Variants in USH2A observed in about 807,000 individuals in gnomAD.
USH2A encodes the protein usherin.
A neutral mutation model predicts 538.9 loss-of-function variants in USH2A; 443 were observed. The ratio of observed to expected loss-of-function variants is 0.82; its 90% CI spans 0.76 to 0.89. The LOEUF (loss-of-function observed/expected upper bound fraction) is 0.89. USH2A is among the 40% of genes least tolerant of loss of function. USH2A has a pLI of 0.00. For synonymous variants in USH2A, 2,413 were observed against 2,273.5 expected (o/e 1.06, Z -1.75); for missense variants, 6,633 against 6,324.8 (o/e 1.05, Z -1.65).
chr1:216,046,573 T>A lies in USH2A; in HGVS notation c.6183A>T (p.Pro2061=). ...AACTGGGAAGGGATTTGGCTACTGG[T>A]GGCTGAACCTCTTGTGGGGCTGTGG... is the stretch of plus-strand genomic sequence containing the variant. The part of the protein sequence containing the change: ...TPQEAPQEVQ[P]PVAKSLPSSL... Residue 2061 remains proline, a synonymous_variant, in exon 32 of 72, where the codon CCA becomes CCT. Coordinates refer to ENST00000307340, the MANE Select transcript of USH2A (RefSeq NM_206933.4). 2.5e-6 allele frequency: 4 copies of A among 1,613,856 alleles called. No individual in the cohort carries two copies. The highest frequency in any genetic ancestry group is 3.4e-6 in the Non-Finnish European group (4 of 1,179,774).
intron 21 of USH2A, among the ~76,000 whole-genome samples, chr1:216,164,552 G>A (rs1406069009): frequency 6.6e-6 from 1 of 152,054 alleles, no homozygotes; most frequent in Non-Finnish European, 1.5e-5. Flanking sequence ...ATAGAGTTAG[G>A]TTTATAAGTA....
At chr1:215,776,439 C>A (rs532599177) in intron 55 of USH2A, among the ~76,000 whole-genome samples, 2 of 152,078 alleles carry the variant, frequency 1.3e-5, no homozygotes, top group Non-Finnish European at 2.9e-5. Context: ...TGAGTGCATT[C>A]GCCACTATTC....
At chr1:215,921,153 T>C (rs2102488512) in intron 38 of USH2A, among the ~76,000 whole-genome samples, 1 of 152,206 alleles carries the variant, frequency 6.6e-6, no homozygotes, top group East Asian at 1.9e-4. Flanking sequence ...TTCACAAGAA[T>C]GCAAACTATG....
At chr1:216,423,034 A>G (rs914574267) in intron 1 of USH2A, among the ~76,000 whole-genome samples, 180 bp downstream of exon 1, 5 of 152,120 alleles carry the variant, frequency 3.3e-5, no homozygotes, top group Admixed American at 6.6e-5. Flanking sequence ...TTATCCCAGC[A>G]TGTGCAGCAA....
chr1:216,276,836 T>G (rs149305422), intron 11 of USH2A, among the ~76,000 whole-genome samples: 2,220 of 152,170 alleles, frequency 0.015, 48 homozygotes, highest in African/African-American at 0.05. Flanking sequence ...AGGAAAGACC[T>G]GCCCCCATGA....
chr1:216,409,296 G>GAA (rs2039443870), intron 3 of USH2A, among the ~76,000 whole-genome samples: 1 of 152,058 alleles, frequency 6.6e-6, no homozygotes, highest in Non-Finnish European at 1.5e-5. Flanking sequence ...TCGTTAAAAT[G>GAA]GCCATATTGC....
At chr1:216,074,233 C>T (rs1243791066) in intron 27 of USH2A, among the ~76,000 whole-genome samples, 1 of 152,184 alleles carries the variant, frequency 6.6e-6, no homozygotes, top group Admixed American at 6.6e-5. Flanking sequence ...AAACAGAGAT[C>T]AGCTCAGTGA....
rs188798929 is a variant in USH2A, at chr1:216,114,996, G to A, written c.4628-17783C>T. ...TGCATATAGATATCTATTTATATCT[G>A]TATCCGTATGTATAGAGAGAGCTCT... is the stretch of plus-strand genomic sequence containing the variant. On this transcript the variant is annotated intron_variant, in intron 21 of 71. Coordinates refer to ENST00000307340, the MANE Select transcript of USH2A (RefSeq NM_206933.4). 8.5e-5 allele frequency among the ~76,000 whole-genome samples: 13 copies of A among 152,112 alleles called. No homozygotes were observed. In the East Asian group the frequency reaches 2.5e-3, roughly 29 times the overall value.
rs74144007 is a variant in USH2A, at chr1:215,708,821, G to A, written c.12066+19209C>T. ...CCCAACAGGCCACAGACCAGTACTGGTCTGCGTCCCCGGGGTTCTGGACCC... is the reference window on the plus strand; with the variant it reads ...CCCAACAGGCCACAGACCAGTACTGATCTGCGTCCCCGGGGTTCTGGACCC... On this transcript the variant is annotated intron_variant, in intron 61 of 71. Transcript: ENST00000307340. Among the ~76,000 whole-genome samples, 424 of 152,216 alleles carry A rather than the reference G, an allele frequency of 2.8e-3. 2 individuals carry two copies. The highest frequency in any genetic ancestry group is 7.6e-3 in the African/African-American group (316 of 41,538).
chr1:216,004,456 A>C (rs1668344446), intron 32 of USH2A, among the ~76,000 whole-genome samples: 1 of 152,170 alleles, frequency 6.6e-6, no homozygotes, highest in Non-Finnish European at 1.5e-5. Context: ...AGGTGAAATA[A>C]GATGAGAATT....
intron 11 of USH2A, among the ~76,000 whole-genome samples, chr1:216,280,682 T>C (rs892498095): frequency 7.0e-6 from 1 of 143,372 alleles, no homozygotes; most frequent in African/African-American, 2.6e-5. Flanking sequence ...TCTCAAGATT[T>C]TGGCATTCAC....
chr1:216,081,330 T>C (rs2031934873), intron 26 of USH2A, among the ~76,000 whole-genome samples: 1 of 152,062 alleles, frequency 6.6e-6, no homozygotes, highest in African/African-American at 2.4e-5. Flanking sequence ...GGATATGAGG[T>C]TATATTTTGA....
At chr1:215,903,719 C>A (rs573876562) in intron 38 of USH2A, among the ~76,000 whole-genome samples, 2 of 152,004 alleles carry the variant, frequency 1.3e-5, no homozygotes, top group South Asian at 2.1e-4. Context: ...TTTGATGATG[C>A]GCAGTTTCTT....
chr1:216,089,248 A>G, intron 22 of USH2A, 109 bp from the exon 23 acceptor site: 1 of 1,177,198 alleles, frequency 8.5e-7, no homozygotes, highest in Non-Finnish European at 1.3e-6. Context: ...TGATCCTGAT[A>G]CAAGCATGCA....
chr1:216,067,465 G>T (rs1470829114), intron 30 of USH2A, among the ~76,000 whole-genome samples: 1 of 149,528 alleles, frequency 6.7e-6, no homozygotes, highest in Non-Finnish European at 1.5e-5. Context: ...GATGTTGGAT[G>T]CTCTGTAGAA....
intron 4 of USH2A, among the ~76,000 whole-genome samples, chr1:216,344,017 T>C (rs1313223407): frequency 6.6e-6 from 1 of 152,124 alleles, no homozygotes; most frequent in Non-Finnish European, 1.5e-5. Flanking sequence ...CTTTACTCTA[T>C]GGACTCACCT....
intron 20 of USH2A, among the ~76,000 whole-genome samples, chr1:216,187,815 C>T (rs1178163788): frequency 6.6e-6 from 1 of 151,812 alleles, no homozygotes; most frequent in Non-Finnish European, 1.5e-5. Flanking sequence ...CAGAACCCTA[C>T]AAATAAGTTA....
At chr1:215,987,027 T>C (rs1667887523) in intron 35 of USH2A, among the ~76,000 whole-genome samples, 1 of 152,230 alleles carries the variant, frequency 6.6e-6, no homozygotes, top group African/African-American at 2.4e-5. Flanking sequence ...AAACATTTTA[T>C]ATTCTATATT....
At chr1:215,817,300 T>TAA (rs1662886765) in intron 47 of USH2A, 105 bp from the exon 48 acceptor site, 1 of 543,816 alleles carries the variant, frequency 1.8e-6, no homozygotes, top group East Asian at 4.7e-5. Context: ...TATATATATA[T>TAA]AATTATATAT....
Sources: gnomAD v4.1 joint callset for allele counts (sites outside exome capture counted in the v4.1 genomes callset) on GRCh38, gnomAD v4.1.1 for gene constraint, MANE v1.5 for transcripts, NCBI Gene and HGNC (gene_info 2026-07-23, HGNC 2026-07-21) for gene names.